TACR3: variants seen among roughly 807,000 people sequenced by gnomAD.
TACR3 encodes neuromedin-K receptor.
A neutral mutation model predicts 35.0 loss-of-function variants in TACR3; 34 were observed. The observed-to-expected ratio is 0.97, with a 90% CI of 0.74 to 1.30. The LOEUF (loss-of-function observed/expected upper bound fraction) is 1.30. Ranked by LOEUF, TACR3 falls within the 50% of genes most tolerant of loss-of-function variation. TACR3 has a pLI of 0.00. For synonymous variants in TACR3, 233 were observed against 221.1 expected (o/e 1.05, Z -0.48); for missense variants, 558 against 591.7 (o/e 0.94, Z 0.59).
At chr4:103,621,971 G>A (rs1230962195) in intron 3 of TACR3, among the ~76,000 whole-genome samples, 1 of 152,120 alleles carries the variant, frequency 6.6e-6, no homozygotes, top group Non-Finnish European at 1.5e-5. Context: ...ATAAAGAATG[G>A]GACTTTGGGT....
chr4:103,612,578 T>C (rs1724536152), intron 3 of TACR3, among the ~76,000 whole-genome samples: 1 of 152,140 alleles, frequency 6.6e-6, no homozygotes, highest in Admixed American at 6.5e-5. Context: ...AGTGGCTTGC[T>C]CTTGGCTCAC....
chr4:103,700,781 C>A (rs1722631844), intron 1 of TACR3, among the ~76,000 whole-genome samples: 1 of 152,164 alleles, frequency 6.6e-6, no homozygotes, highest in Non-Finnish European at 1.5e-5. Flanking sequence ...AGCGTATAAA[C>A]AGAACCAACG....
intron 1 of TACR3, among the ~76,000 whole-genome samples, chr4:103,667,000 G>A (rs967050520): frequency 2.0e-5 from 3 of 152,128 alleles, no homozygotes; most frequent in African/African-American, 4.8e-5. Flanking sequence ...ACTCATGCCT[G>A]TAATCCCAGC....
rs35085919 is a variant in TACR3, at chr4:103,656,209, T to C, written c.873A>G (p.Leu291=). The C allele has an allele frequency of 2.7e-3, 4,412 of 1,612,920 alleles. 113 individuals carry two copies. The African/African-American group carries it at 0.053, about 19-fold the overall frequency. Residue 291 remains leucine, a synonymous_variant, in exon 3 of 5, where the codon CTA becomes CTG. Transcript: ENST00000304883. Reference sequence around the variant, plus strand: ...GGACCAGTACCTTTCTTTTGGCCTTTAGCTGCTCATGATACTTGTCACAGG... The same window carrying C: ...GGACCAGTACCTTTCTTTTGGCCTTCAGCTGCTCATGATACTTGTCACAGG... ...GDTCDKYHEQ[L]KAKRKVVKMM...
chr4:103,634,115 G>A (rs1378263868), intron 3 of TACR3, among the ~76,000 whole-genome samples: 1 of 152,034 alleles, frequency 6.6e-6, no homozygotes, highest in Non-Finnish European at 1.5e-5. Flanking sequence ...ACTTTTGAGA[G>A]CACAAAAACC....
At chr4:103,621,823 C>T (rs1724787429) in intron 3 of TACR3, among the ~76,000 whole-genome samples, 1 of 152,142 alleles carries the variant, frequency 6.6e-6, no homozygotes, top group Non-Finnish European at 1.5e-5. Flanking sequence ...AAATTTTAAT[C>T]TCAAGCTCAG....
intron 3 of TACR3, among the ~76,000 whole-genome samples, chr4:103,623,596 G>A (rs1232396892): frequency 1.3e-5 from 2 of 151,958 alleles, no homozygotes; most frequent in African/African-American, 4.8e-5. Flanking sequence ...CTTTATTTTT[G>A]AATCACTTGC....
intron 3 of TACR3, among the ~76,000 whole-genome samples, chr4:103,637,551 C>A (rs1030294532): frequency 2.6e-5 from 4 of 152,102 alleles, no homozygotes; most frequent in Admixed American, 1.3e-4. Flanking sequence ...CCCTCTCTCA[C>A]CACTCCTATT....
intron 3 of TACR3, among the ~76,000 whole-genome samples, chr4:103,627,473 A>AAGAC (rs1218152138): frequency 6.6e-6 from 1 of 151,774 alleles, no homozygotes; most frequent in Non-Finnish European, 1.5e-5. Flanking sequence ...GCAGTGAGCC[A>AAGAC]AGACTGCTCC....
intron 1 of TACR3, among the ~76,000 whole-genome samples, chr4:103,692,576 A>G (rs1722429356): frequency 6.6e-6 from 1 of 152,220 alleles, no homozygotes; most frequent in African/African-American, 2.4e-5. Context: ...TTCTGTAATT[A>G]AGAGGAGCGT....
At position 103,589,454 on chromosome 4, in the gene TACR3, A is replaced by G; in HGVS notation, c.*228T>C. The G allele has an allele frequency of 1.9e-6, 1 of 521,582 alleles. No individual in the cohort carries two copies. The highest frequency in any genetic ancestry group is 2.6e-5 in the South Asian group (1 of 39,146). 32.3% of individuals were successfully genotyped at this position (521,582 alleles called of 1,614,324 possible). On this transcript the variant is annotated 3_prime_UTR_variant, in exon 5 of 5. Transcript: ENST00000304883. ...TTGTTCATTGCATATAATAATTTAGAGTTTTCAAAGAATAAATTTAAAGCC... is the reference window on the plus strand; with the variant it reads ...TTGTTCATTGCATATAATAATTTAGGGTTTTCAAAGAATAAATTTAAAGCC...
chr4:103,639,676 T>C (rs1725302828), intron 3 of TACR3, among the ~76,000 whole-genome samples: 1 of 152,044 alleles, frequency 6.6e-6, no homozygotes, highest in Non-Finnish European at 1.5e-5. Flanking sequence ...CCTTCTTAAG[T>C]ACAGAAATAA....
At chr4:103,603,927 G>T (rs1324879757) in intron 3 of TACR3, among the ~76,000 whole-genome samples, 1 of 152,202 alleles carries the variant, frequency 6.6e-6, no homozygotes, top group Non-Finnish European at 1.5e-5. Context: ...CATGCTCATG[G>T]ATAGGAAGAA....
chr4:103,706,069 G>A lies in TACR3; in HGVS notation c.548+13059C>T, dbSNP rs191552699. On this transcript the variant is annotated intron_variant, in intron 1 of 4. Coordinates refer to ENST00000304883, the MANE Select transcript of TACR3 (RefSeq NM_001059.3). ...ACCAGAAAAGACATGAGGGTGGCTTGGAGTAGGGAAGTGGGAGTAAAGGCA... is the reference window on the plus strand; with the variant it reads ...ACCAGAAAAGACATGAGGGTGGCTTAGAGTAGGGAAGTGGGAGTAAAGGCA... Among the ~76,000 whole-genome samples, 611 of 152,292 alleles carry A rather than the reference G, an allele frequency of 4.0e-3. 3 individuals are homozygous for A. Among genetic ancestry groups the A allele is most frequent in the Non-Finnish European group, 3.8e-3 (257 of 68,022 alleles).
At chr4:103,678,522 A>G (rs1726222320) in intron 1 of TACR3, among the ~76,000 whole-genome samples, 1 of 152,122 alleles carries the variant, frequency 6.6e-6, no homozygotes, top group Non-Finnish European at 1.5e-5. Flanking sequence ...AAATTGATTT[A>G]AGCACAAACT....
chr4:103,592,904 C>CAGGTGGCCCTTCCTGGATT (rs1723925518), intron 3 of TACR3, among the ~76,000 whole-genome samples: 1 of 152,204 alleles, frequency 6.6e-6, no homozygotes, highest in Admixed American at 6.5e-5. Context: ...GGCCAAATCA[C>CAGGTGGCCCTTCCTGGATT]TGTACCATCC....
intron 3 of TACR3, among the ~76,000 whole-genome samples, chr4:103,630,646 A>T (rs1339988264): frequency 1.3e-5 from 2 of 152,214 alleles, no homozygotes; most frequent in African/African-American, 4.8e-5. Flanking sequence ...ATCTCATGGC[A>T]GTTAGAATGG....
chr4:103,686,568 T>C lies in TACR3; in HGVS notation c.549-28165A>G, dbSNP rs116408354. ...AAACCCCAAGGTGGAGTGGAAAAAA[T>C]AGAATTCATAGTTGTTACATTCAAT... On this transcript the variant is annotated intron_variant, in intron 1 of 4. Coordinates refer to ENST00000304883, the MANE Select transcript of TACR3 (RefSeq NM_001059.3). 5.4e-3 allele frequency among the ~76,000 whole-genome samples: 817 copies of C among 151,868 alleles called. 10 individuals are homozygous for C. Among genetic ancestry groups the C allele is most frequent in the African/African-American group, 0.019 (774 of 41,432 alleles).
chr4:103,629,893 C>CA lies in TACR3; in HGVS notation c.888+26300dup, dbSNP rs1216728830. 1.4e-3 allele frequency among the ~76,000 whole-genome samples: 138 copies of CA among 98,666 alleles called. 2 individuals carry two copies. Among genetic ancestry groups the CA allele is most frequent in the East Asian group, 7.8e-3 (35 of 4,516 alleles). 64.7% of individuals were successfully genotyped at this position (98,666 alleles called of 152,430 possible). On this transcript the variant is annotated intron_variant, in intron 3 of 4. Coordinates refer to ENST00000304883, the MANE Select transcript of TACR3 (RefSeq NM_001059.3). ...AAAACAAAAAAAACAACAACAACAA[C>CA]AAAAAAAAACAAAGCTGGAGGCATC...
Sources: gnomAD v4.1 joint callset for allele counts (sites outside exome capture counted in the v4.1 genomes callset) on GRCh38, gnomAD v4.1.1 for gene constraint, MANE v1.5 for transcripts, NCBI Gene and HGNC (gene_info 2026-07-23, HGNC 2026-07-21) for gene names.